Variants in CRACDL observed in about 807,000 individuals in gnomAD.
CRACDL encodes the protein CRACD like.
A neutral mutation model predicts 70.6 loss-of-function variants in CRACDL; 26 were observed. That is an observed-to-expected ratio of 0.37 (90% CI 0.27 to 0.51). The LOEUF (loss-of-function observed/expected upper bound fraction) is 0.51, where lower values mean the gene tolerates loss of function less well. Among genes scored for constraint, CRACDL ranks in the 20% least tolerant of loss-of-function variants. CRACDL has a pLI of 0.94. For synonymous variants in CRACDL, 618 were observed against 615.2 expected, an observed-to-expected ratio of 1.00 and a Z score of -0.07; for missense variants, 1,283 against 1,376.9, an observed-to-expected ratio of 0.93 and a Z score of 1.08.
chr2:98,904,840 C>T (rs1312907724), intron 1 of CRACDL, among the ~76,000 whole-genome samples: 1 of 152,172 alleles, frequency 6.6e-6, no homozygotes, highest in East Asian at 1.9e-4. Context: ...AATGCGACCC[C>T]CAATGTTGGA....
At chr2:98,801,254 G>A (rs1020940937) in intron 7 of CRACDL, among the ~76,000 whole-genome samples, 1 of 152,240 alleles carries the variant, frequency 6.6e-6, no homozygotes, top group Non-Finnish European at 1.5e-5. Context: ...ATTGGCAGAG[G>A]AGTGCAGGAA....
At chr2:98,904,393 G>C (rs915467956) in intron 1 of CRACDL, among the ~76,000 whole-genome samples, 2 of 152,228 alleles carry the variant, frequency 1.3e-5, no homozygotes, top group African/African-American at 4.8e-5. Context: ...CTCCAGCAGG[G>C]AACCGGCCTT....
intron 7 of CRACDL, among the ~76,000 whole-genome samples, chr2:98,801,113 C>A (rs1258619954): frequency 6.6e-6 from 1 of 152,244 alleles, no homozygotes; most frequent in Non-Finnish European, 1.5e-5. Context: ...GTTCCTGCCT[C>A]TTTCCCTGCA....
At chr2:98,902,939 T>C (rs1390812361) in intron 1 of CRACDL, among the ~76,000 whole-genome samples, 1 of 152,042 alleles carries the variant, frequency 6.6e-6, no homozygotes, top group Non-Finnish European at 1.5e-5. Flanking sequence ...CGACCAGCTT[T>C]TACCACTCCC....
At chr2:98,910,770 G>T (rs1470482106) in intron 1 of CRACDL, among the ~76,000 whole-genome samples, 1 of 152,176 alleles carries the variant, frequency 6.6e-6, no homozygotes. Flanking sequence ...ACCTGCTGGT[G>T]GCCTCGGCCA....
rs755683722 is a variant in CRACDL, at chr2:98,822,930, T to C, written c.1343A>G (p.Asp448Gly). The C allele has an allele frequency of 1.8e-5, 26 of 1,465,716 alleles. No individual in the cohort carries two copies. The highest frequency in any genetic ancestry group is 3.7e-4 in the Middle Eastern group (2 of 5,378). 90.8% of individuals were successfully genotyped at this position (1,465,716 alleles called of 1,614,324 possible). A position where few individuals can be genotyped will look rare whatever the true frequency, so the allele number is the denominator to read the frequency against. ...EAEPTPPVLP[D>G]EEKGPPGPAP... ...CGGCCCTGGGGGCCCCTTCTCCTCA[T>C]CCGGGAGCACGGGCGGCGTCGGCTC... Residue 448 changes from aspartate to glycine, a missense_variant, in exon 7 of 10, where the codon GAT becomes GGT. By Grantham distance (94) the Asp-to-Gly change is moderately conservative. This residue lies in a region of CRACDL where 921 missense variants were observed against 881.9 expected (regional missense o/e 1.04). Coordinates refer to ENST00000397899, the MANE Select transcript of CRACDL (RefSeq NM_207362.3). This position sits in a 1 kb window ranked among gnomAD's most constrained non-coding sequence, Gnocchi z 4.9.
chr2:98,889,062 AG>A (rs1707874683), intron 1 of CRACDL, among the ~76,000 whole-genome samples: 1 of 148,332 alleles, frequency 6.7e-6, no homozygotes, highest in African/African-American at 2.5e-5. Flanking sequence ...TGGGAGACAG[AG>A]GTTGCAGAGA....
rs1378606446 is a variant in CRACDL, at chr2:98,936,077, C to T, written c.-150G>A. ...GCCGGGGCGACGCAGCAGGTGGCCG[C>T]GCGGCCTCCAGACAGCCCGGGTCTG... On this transcript the variant is annotated 5_prime_UTR_variant, in exon 1 of 10. Transcript: ENST00000397899. 1 of 151,896 alleles carries T rather than the reference C, an allele frequency of 6.6e-6. No homozygotes were observed. The highest frequency in any genetic ancestry group is 1.5e-5 in the Non-Finnish European group (1 of 67,932). 9.4% of individuals were successfully genotyped at this position (151,896 alleles called of 1,614,324 possible).
In CRACDL at chr2:98,927,715, T is replaced by A. The variant is rs17022069; in HGVS notation, c.-11+8223A>T. Among the ~76,000 whole-genome samples, 1,099 of 152,312 alleles carry A rather than the reference T, an allele frequency of 7.2e-3. 13 individuals carry two copies. Among genetic ancestry groups the A allele is most frequent in the African/African-American group, 0.025 (1,033 of 41,566 alleles). ...GATGTCTATTGTCATGTTAACTAAC[T>A]GGCAAATGGTTGAAAATCACTTAAT... On this transcript the variant is annotated intron_variant, in intron 1 of 9. Coordinates refer to ENST00000397899, the MANE Select transcript of CRACDL (RefSeq NM_207362.3).
chr2:98,925,462 G>C (rs980479142), intron 1 of CRACDL, among the ~76,000 whole-genome samples: 1 of 152,144 alleles, frequency 6.6e-6, no homozygotes, highest in African/African-American at 2.4e-5. Flanking sequence ...TGTAAAGTGG[G>C]GATAAAAACA....
At chr2:98,881,070 C>A (rs1296264904) in intron 1 of CRACDL, among the ~76,000 whole-genome samples, 2 of 152,186 alleles carry the variant, frequency 1.3e-5, no homozygotes, top group African/African-American at 2.4e-5. Context: ...GTCAGATGGG[C>A]CGCACTCGGC....
At chr2:98,825,207 C>T (rs775369300) in intron 6 of CRACDL, among the ~76,000 whole-genome samples, 2 of 152,144 alleles carry the variant, frequency 1.3e-5, no homozygotes, top group African/African-American at 4.8e-5. Context: ...GGTTCCACAA[C>T]AGTGGATGGA....
chr2:98,836,995 G>A (rs945586199), intron 3 of CRACDL, among the ~76,000 whole-genome samples: 1 of 151,758 alleles, frequency 6.6e-6, no homozygotes, highest in Non-Finnish European at 1.5e-5. Context: ...TGAGGCAGGA[G>A]GATGGCGTGA....
chr2:98,826,651 G>C (rs1222501128), intron 6 of CRACDL, among the ~76,000 whole-genome samples: 5 of 152,188 alleles, frequency 3.3e-5, no homozygotes, highest in African/African-American at 1.2e-4. Flanking sequence ...TGGGGGGTAG[G>C]CAGGACCTGA....
intron 1 of CRACDL, among the ~76,000 whole-genome samples, chr2:98,935,558 G>A (rs1709185373): frequency 6.6e-6 from 1 of 152,180 alleles, no homozygotes; most frequent in South Asian, 2.1e-4. Context: ...CTGCAACTGC[G>A]TGTGGAGACA....
At chr2:98,825,574 G>T (rs887543705) in intron 6 of CRACDL, among the ~76,000 whole-genome samples, 2 of 152,212 alleles carry the variant, frequency 1.3e-5, no homozygotes, top group Non-Finnish European at 2.9e-5. Flanking sequence ...ATCCCCGTGG[G>T]ATTCATAAAT....
intron 7 of CRACDL, among the ~76,000 whole-genome samples, chr2:98,801,396 G>A (rs549188958): frequency 4.6e-5 from 7 of 152,280 alleles, no homozygotes; most frequent in African/African-American, 1.4e-4. Context: ...GATGGGCTGA[G>A]CATCACCTTC....
In CRACDL at chr2:98,838,306, A is replaced by G; in HGVS notation, c.71-19T>C. 7.0e-7 allele frequency: 1 copy of G among 1,431,494 alleles called. No individual in the cohort carries two copies. 88.7% of individuals were successfully genotyped at this position (1,431,494 alleles called of 1,614,324 possible). On this transcript the variant is annotated intron_variant, in intron 2 of 9. Coordinates refer to ENST00000397899, the MANE Select transcript of CRACDL (RefSeq NM_207362.3). Reference sequence around the variant, plus strand: ...TTCTTTCCTATACAGATTAGAGAAAAAAATAATAAATAAGACTGTTACAGT... The same window carrying G: ...TTCTTTCCTATACAGATTAGAGAAAGAAATAATAAATAAGACTGTTACAGT...
At chr2:98,796,994 T>G (rs1385738375) in intron 8 of CRACDL, among the ~76,000 whole-genome samples, 2 of 152,216 alleles carry the variant, frequency 1.3e-5, no homozygotes, top group African/African-American at 2.4e-5. Flanking sequence ...CATTGCTGTG[T>G]GTCTAACTCG....
Sources: allele counts gnomAD v4.1 joint callset (sites outside exome capture counted in the v4.1 genomes callset), GRCh38; gene constraint gnomAD v4.1.1; regional missense constraint gnomAD v4.1.1; non-coding constraint Gnocchi (gnomAD v3.1); transcripts MANE v1.5; gene names NCBI Gene and HGNC (gene_info 2026-07-23, HGNC 2026-07-21).